Variants in SCAPER observed in about 807,000 individuals in gnomAD.
SCAPER encodes S-phase cyclin A associated protein in the ER.
Under a neutral mutation model 182.2 loss-of-function variants are expected in SCAPER, and 98 were observed. The ratio of observed to expected loss-of-function variants is 0.54; its 90% confidence interval spans 0.46 to 0.64. The LOEUF (loss-of-function observed/expected upper bound fraction) is 0.64. Among genes scored for constraint, SCAPER ranks in the 30% least tolerant of loss-of-function variants. SCAPER has a pLI of 0.00. For missense variants in SCAPER, 1,432 were observed against 1,690.0 expected, an observed-to-expected ratio of 0.85 and a Z score of 2.68; for synonymous variants, 605 against 564.6, an observed-to-expected ratio of 1.07 and a Z score of -1.01.
At chr15:76,704,341 T>C (rs1353357502) in intron 18 of SCAPER, among the ~76,000 whole-genome samples, 1 of 152,206 alleles carries the variant, frequency 6.6e-6, no homozygotes, top group Non-Finnish European at 1.5e-5. Flanking sequence ...ATCCCATATG[T>C]CAATTTTGGC....
chr15:76,446,279 G>A (rs2047991120), intron 25 of SCAPER, among the ~76,000 whole-genome samples: 1 of 152,144 alleles, frequency 6.6e-6, no homozygotes, highest in Non-Finnish European at 1.5e-5. Flanking sequence ...AAGGTGACAC[G>A]TGAAAGTGCT....
chr15:76,440,379 C>T (rs1384163275), intron 25 of SCAPER, among the ~76,000 whole-genome samples: 1 of 152,136 alleles, frequency 6.6e-6, no homozygotes, highest in African/African-American at 2.4e-5. Context: ...TTTCAACATT[C>T]TTGTTTGCAA....
chr15:76,498,015 A>T (rs928632934), intron 24 of SCAPER, among the ~76,000 whole-genome samples: 2 of 147,050 alleles, frequency 1.4e-5, no homozygotes, highest in African/African-American at 5.1e-5. Flanking sequence ...AAAAAAAAAA[A>T]AAAAATAAGC....
At chr15:76,586,015 T>C (rs1225282202) in intron 22 of SCAPER, among the ~76,000 whole-genome samples, 1 of 152,164 alleles carries the variant, frequency 6.6e-6, no homozygotes, top group Non-Finnish European at 1.5e-5. Context: ...ATGAGAAGTA[T>C]CTGTCAGGTA....
At position 76,866,004 on chromosome 15, in the gene SCAPER, A is replaced by G. The variant is rs370245265; in HGVS notation, c.7-3471T>C. Among the ~76,000 whole-genome samples, 21 of 152,244 alleles carry G rather than the reference A, an allele frequency of 1.4e-4. No individual in the cohort carries two copies. The East Asian group carries it at 1.7e-3, about 13-fold the overall frequency. On this transcript the variant is annotated intron_variant, in intron 2 of 31. Transcript: ENST00000563290. ...TTCTCTACTCATTCTCATACTTTCC[A>G]ATCAATGTAACACCAGAAAACTTCG...
intron 24 of SCAPER, among the ~76,000 whole-genome samples, chr15:76,498,159 T>A (rs140435067): frequency 2.0e-5 from 3 of 152,278 alleles, no homozygotes; most frequent in African/African-American, 7.2e-5. Flanking sequence ...AGGCTACTAC[T>A]ACTAATATTT....
intron 7 of SCAPER, among the ~76,000 whole-genome samples, chr15:76,796,603 T>G (rs933971485): frequency 6.6e-6 from 1 of 152,208 alleles, no homozygotes; most frequent in Admixed American, 6.5e-5. Flanking sequence ...TCTACGATGA[T>G]AATGAAGACT....
intron 17 of SCAPER, among the ~76,000 whole-genome samples, chr15:76,706,277 C>T (rs909600289): frequency 1.3e-5 from 2 of 152,058 alleles, no homozygotes; most frequent in Admixed American, 6.6e-5. Flanking sequence ...TCTCTATTCC[C>T]TTCCAAAAAC....
intron 23 of SCAPER, among the ~76,000 whole-genome samples, chr15:76,534,152 C>G (rs898334648): frequency 4.6e-5 from 7 of 152,154 alleles, no homozygotes; most frequent in African/African-American, 9.7e-5. Context: ...TATGTTGAGG[C>G]CAGCCATTTC....
At chr15:76,755,701 A>T (rs531538026) in intron 14 of SCAPER, among the ~76,000 whole-genome samples, 1 of 152,292 alleles carries the variant, frequency 6.6e-6, no homozygotes, top group African/African-American at 2.4e-5. Flanking sequence ...TGATGTTATA[A>T]AACTCAGCAC....
At chr15:76,660,135 C>T (rs966055753) in intron 21 of SCAPER, among the ~76,000 whole-genome samples, 1 of 152,080 alleles carries the variant, frequency 6.6e-6, no homozygotes, top group African/African-American at 2.4e-5. Flanking sequence ...CAAACTAATG[C>T]AGGAACAGAA....
At chr15:76,901,996 G>C (rs1361898001) in intron 1 of SCAPER, among the ~76,000 whole-genome samples, 1 of 152,170 alleles carries the variant, frequency 6.6e-6, no homozygotes, top group Non-Finnish European at 1.5e-5. Context: ...TAGGATTACA[G>C]GCATGAGCCA....
intron 23 of SCAPER, among the ~76,000 whole-genome samples, chr15:76,531,651 T>TAA (rs1174283004): frequency 1.7e-4 from 25 of 146,656 alleles, no homozygotes; most frequent in Admixed American, 1.0e-3. Context: ...AAATATATGT[T>TAA]AAAAAAAAAA....
At chr15:76,618,050 G>A (rs2051658298) in intron 22 of SCAPER, among the ~76,000 whole-genome samples, 1 of 152,142 alleles carries the variant, frequency 6.6e-6, no homozygotes, top group Non-Finnish European at 1.5e-5. Flanking sequence ...CTTGAGGTCA[G>A]GAGATCGAGA....
chr15:76,766,514 T>C (rs1195625797), intron 11 of SCAPER, among the ~76,000 whole-genome samples: 1 of 152,154 alleles, frequency 6.6e-6, no homozygotes, highest in Non-Finnish European at 1.5e-5. Flanking sequence ...TTTAACTTTT[T>C]TTTAATAGAG....
At chr15:76,874,221 G>A (rs556014113) in intron 2 of SCAPER, among the ~76,000 whole-genome samples, 6 of 152,132 alleles carry the variant, frequency 3.9e-5, no homozygotes, top group Admixed American at 1.3e-4. Flanking sequence ...ATAACTTGGG[G>A]ATCAAGGAAA....
At chr15:76,600,838 C>G (rs2145786267) in intron 22 of SCAPER, among the ~76,000 whole-genome samples, 1 of 120,274 alleles carries the variant, frequency 8.3e-6, no homozygotes, top group Non-Finnish European at 2.0e-5. Flanking sequence ...AACAAAAACA[C>G]TCTCTATGAA....
chr15:76,888,702 T>G (rs538122498), intron 1 of SCAPER, among the ~76,000 whole-genome samples: 3 of 152,344 alleles, frequency 2.0e-5, no homozygotes, highest in South Asian at 4.1e-4. Flanking sequence ...TACGTCTGAC[T>G]GGTGTACCTG....
chr15:76,780,970 G>A (rs113757065), intron 8 of SCAPER, among the ~76,000 whole-genome samples: 3 of 152,258 alleles, frequency 2.0e-5, no homozygotes, highest in South Asian at 2.1e-4. Flanking sequence ...AAACCAGAGC[G>A]CCTCTTCTCC....
Sources: gnomAD v4.1 joint callset for allele counts (sites outside exome capture counted in the v4.1 genomes callset) on GRCh38, gnomAD v4.1.1 for gene constraint, MANE v1.5 for transcripts, NCBI Gene and HGNC (gene_info 2026-07-23, HGNC 2026-07-21) for gene names.